Variants in ITGB7 observed in about 807,000 individuals in gnomAD.
ITGB7 encodes integrin beta-7.
A neutral mutation model predicts 83.4 loss-of-function variants in ITGB7; 55 were observed. The ratio of observed to expected loss-of-function variants is 0.66; its 90% CI spans 0.53 to 0.83. The LOEUF is 0.83. Among genes scored for constraint, ITGB7 ranks in the 40% least tolerant of loss-of-function variants. The pLI, the probability that ITGB7 is intolerant of heterozygous loss-of-function variation, is 0.00. For synonymous variants in ITGB7, 454 were observed against 423.6 expected, an observed-to-expected ratio of 1.07 and a Z score of -0.88; for missense variants, 921 against 1,046.7, an observed-to-expected ratio of 0.88 and a Z score of 1.66.
At chr12:53,193,015 C>T in intron 12 of ITGB7, 105 bp from the exon 13 acceptor site, 1 of 1,367,068 alleles carries the variant, frequency 7.3e-7, no homozygotes, top group Non-Finnish European at 1.0e-6. Context: ...AGTATGCCAA[C>T]CACACCCTCT....
At chr12:53,205,719 A>G (rs1320195500) in intron 1 of ITGB7, among the ~76,000 whole-genome samples, 1 of 152,146 alleles carries the variant, frequency 6.6e-6, no homozygotes, top group Non-Finnish European at 1.5e-5. Flanking sequence ...AAGGCCAACT[A>G]ACTCCTTGTC....
chr12:53,195,560 T>C, intron 8 of ITGB7, 66 bp downstream of exon 8: 1 of 1,532,992 alleles, frequency 6.5e-7, no homozygotes, highest in Admixed American at 1.7e-5. Context: ...ACGGAGAATG[T>C]ATCTTTGGGG....
At chr12:53,198,108 C>T (rs1942229027) in intron 3 of ITGB7, among the ~76,000 whole-genome samples, 157 bp from the exon 4 acceptor site, 1 of 152,208 alleles carries the variant, frequency 6.6e-6, no homozygotes, top group South Asian at 2.1e-4. Context: ...CCACAGCTAC[C>T]CTTGAACTCC....
chr12:53,204,612 G>A (rs1942392001), intron 1 of ITGB7, among the ~76,000 whole-genome samples: 1 of 152,062 alleles, frequency 6.6e-6, no homozygotes, highest in African/African-American at 2.4e-5. Context: ...TTTCATTTTA[G>A]GGTGATGAAT....
chr12:53,194,414 T>A, intron 9 of ITGB7, 70 bp from the exon 10 acceptor site: 1 of 1,495,768 alleles, frequency 6.7e-7, no homozygotes, highest in Non-Finnish European at 9.2e-7. Context: ...TTATGTCCTC[T>A]CCAGGTGTTC....
chr12:53,199,555 C>T (rs1942272430), intron 3 of ITGB7, among the ~76,000 whole-genome samples: 1 of 147,300 alleles, frequency 6.8e-6, no homozygotes, highest in Admixed American at 6.8e-5. Flanking sequence ...AAGCCCTAAC[C>T]CTCCATGTGA....
At position 53,191,818 on chromosome 12, in the gene ITGB7, G is replaced by A. The variant is rs6580932; in HGVS notation, c.2316+41C>T. The A allele has an allele frequency of 5.1e-3, 8,170 of 1,611,670 alleles. 351 individuals are homozygous for A. In the African/African-American group the frequency reaches 0.094, roughly 19 times the overall value. On this transcript the variant is annotated intron_variant, in intron 15 of 15. Coordinates refer to ENST00000267082, the MANE Select transcript of ITGB7 (RefSeq NM_000889.3). ...GGAATCAGGGCTGGTCTTGTGGTGG[G>A]GGAACAGCTAAAAAGGGGCCTAACC...
intron 1 of ITGB7, among the ~76,000 whole-genome samples, chr12:53,203,804 T>A (rs1470232270): frequency 6.6e-6 from 1 of 152,156 alleles, no homozygotes; most frequent in African/African-American, 2.4e-5. Context: ...CTTTATACAT[T>A]ACCGTGTAAG....
rs1942136150 is a variant in ITGB7 at position 53,195,700 on chromosome 12, C to T, written c.997G>A (p.Val333Ile). The T allele has an allele frequency of 2.5e-6, 4 of 1,613,968 alleles. No individual in the cohort carries two copies. Among genetic ancestry groups the T allele is most frequent in the Non-Finnish European group, 3.4e-6 (4 of 1,179,892 alleles). ...TTTGCTGCAGAGAGGGCCTGGGCTA[C>T]CTGACCCACAGAAGGGTAGTCCTGG... ...TEFDYPSVGQ[V>I]AQALSAANIQ... Residue 333 changes from valine to isoleucine, a missense_variant, in exon 8 of 16, where the codon GTA (valine) becomes ATA (isoleucine). Val to Ile is a conservative substitution (Grantham distance 29, BLOSUM62 3). Transcript: ENST00000267082.
rs529424746 is a variant in ITGB7, at chr12:53,194,491, T to G, written c.1162-147A>C. On this transcript the variant is annotated intron_variant, in intron 9 of 15. Transcript: ENST00000267082. ...TTCCATTCTGCCCAGTCGAGGCATT[T>G]CTGGAGGGAGGACCCGTGAGAACCT... 157 of 726,958 alleles carry G rather than the reference T, an allele frequency of 2.2e-4. No individual in the cohort carries two copies. In the South Asian group the frequency reaches 2.7e-3, roughly 12 times the overall value. The allele number at this position is 726,958 out of a possible 1,614,324, so 45.0% of individuals were successfully genotyped here.
intron 1 of ITGB7, among the ~76,000 whole-genome samples, chr12:53,204,143 G>A (rs1055502491): frequency 6.6e-6 from 1 of 152,152 alleles, no homozygotes; most frequent in Non-Finnish European, 1.5e-5. Flanking sequence ...ACTTTGGGAG[G>A]CCGAGGCGGG....
Position 53,195,671 on chromosome 12 carries a change from G to A in ITGB7, c.1026C>T (p.Ile342=). 6.2e-7 allele frequency: 1 copy of A among 1,614,144 alleles called. No individual in the cohort carries two copies. Among genetic ancestry groups the A allele is most frequent in the Non-Finnish European group, 8.5e-7 (1 of 1,180,006 alleles). ...QVAQALSAAN[I]QPIFAVTSAA... ...CACTGGTGACAGCAAAGATGGGCTG[G>A]ATATTTGCTGCAGAGAGGGCCTGGG... Residue 342 remains isoleucine (I), a synonymous_variant, in exon 8 of 16, where the codon ATC becomes ATT. Transcript: ENST00000267082.
At chr12:53,193,466 G>C in intron 11 of ITGB7, 103 bp from the exon 12 acceptor site, 3 of 884,934 alleles carry the variant, frequency 3.4e-6, no homozygotes, top group Non-Finnish European at 5.1e-6. Flanking sequence ...AAGAGTTGGA[G>C]ACAGACAAAC....
intron 7 of ITGB7, 58 bp from the exon 8 acceptor site, chr12:53,195,779 G>T: frequency 4.2e-6 from 6 of 1,417,056 alleles, no homozygotes; most frequent in Non-Finnish European, 6.0e-6. Flanking sequence ...AACATGCAAG[G>T]TGCCCTCAGC....
chr12:53,196,750 G>A lies in ITGB7; in HGVS notation c.645C>T (p.Pro215=). 1.9e-6 allele frequency: 3 copies of A among 1,613,778 alleles called. No individual in the cohort carries two copies. Among genetic ancestry groups the A allele is most frequent in the Non-Finnish European group, 2.5e-6 (3 of 1,179,768 alleles). Residue 215 remains proline, a synonymous_variant, in exon 6 of 16, where the codon CCC becomes CCT. Coordinates refer to ENST00000267082, the MANE Select transcript of ITGB7 (RefSeq NM_000889.3). ...VSTVPSKLRH[P]CPTRLERCQS... ...GGCAGCGCTCCAGCCGGGTGGGGCA[G>A]GGGTGGCGCAGTTTGGAGGGTACTG...
chr12:53,197,976 G>A (rs2120478884), intron 3 of ITGB7, 25 bp from the exon 4 acceptor site: 2 of 1,524,024 alleles, frequency 1.3e-6, no homozygotes, highest in East Asian at 2.5e-5. Flanking sequence ...AAGGCGCGTC[G>A]GGACCCGGTC....
rs763669235 is a variant in ITGB7 at position 53,192,670 on chromosome 12, A to G, written c.1946+21T>C. 6.2e-6 allele frequency: 10 copies of G among 1,609,112 alleles called. No homozygotes were observed. In the South Asian group the frequency reaches 8.8e-5, roughly 14 times the overall value. ...GCCCCACTGTGCCCCTGCTCCCAAG[A>G]TGCAAGACCTGAGGCCTCACCGGTG... On this transcript the variant is annotated intron_variant, in intron 13 of 15. Transcript: ENST00000267082.
At chr12:53,202,504 G>A (rs1328913565) in intron 1 of ITGB7, among the ~76,000 whole-genome samples, 3 of 151,840 alleles carry the variant, frequency 2.0e-5, no homozygotes, top group South Asian at 4.2e-4. Context: ...ACAGGCATGC[G>A]CCACCACACC....
chr12:53,202,371 T>G (rs1020899512), intron 1 of ITGB7, among the ~76,000 whole-genome samples: 1 of 152,216 alleles, frequency 6.6e-6, no homozygotes, highest in African/African-American at 2.4e-5. Flanking sequence ...TTGTTTTGTT[T>G]TGTTTTTTTG....
Sources: gnomAD v4.1 joint callset for allele counts (sites outside exome capture counted in the v4.1 genomes callset) on GRCh38, gnomAD v4.1.1 for gene constraint, MANE v1.5 for transcripts, NCBI Gene and HGNC (gene_info 2026-07-23, HGNC 2026-07-21) for gene names.